The following KCNK10 variants were observed in gnomAD, a reference collection of about 807,000 sequenced individuals.
KCNK10 encodes potassium channel subfamily K member 10.
Under a neutral mutation model 47.7 loss-of-function variants are expected in KCNK10, and 25 were observed. The ratio of observed to expected loss-of-function variants is 0.52; its 90% CI spans 0.38 to 0.73. The LOEUF is 0.73. KCNK10 is among the 30% of genes least tolerant of loss of function. The probability of loss-of-function intolerance (pLI) is 0.00; values close to 1 mark genes in which losing one functional copy is unlikely to be tolerated. For missense variants in KCNK10, 563 were observed against 714.5 expected, an observed-to-expected ratio of 0.79 and a Z score of 2.42; for synonymous variants, 303 against 285.6, an observed-to-expected ratio of 1.06 and a Z score of -0.61.
rs11847504 is a variant in KCNK10 at position 88,291,750 on chromosome 14, G to A, written c.53-28199C>T. ...AGACGGCCCTGGGAAAATCAGACAT[G>A]GGTGCGCAGTGTTTGGCCTGTAATG... On this transcript the variant is annotated intron_variant, in intron 1 of 6. Transcript: ENST00000319231. 4.1e-3 allele frequency among the ~76,000 whole-genome samples: 621 copies of A among 152,298 alleles called. 7 individuals carry two copies. The highest frequency in any genetic ancestry group is 0.015 in the African/African-American group (604 of 41,556).
intron 4 of KCNK10, among the ~76,000 whole-genome samples, chr14:88,195,942 G>T (rs565927693): frequency 1.3e-5 from 2 of 152,178 alleles, no homozygotes; most frequent in East Asian, 3.9e-4. Flanking sequence ...AAGCAGAGCC[G>T]CTAGCAGAAA....
In KCNK10 at chr14:88,200,068, CTTCTTCCTTTCTTTCTTCCT is replaced by C. The variant is rs1422596261; in HGVS notation, c.682-7678_682-7659del. 6.2e-3 allele frequency among the ~76,000 whole-genome samples: 877 copies of C among 142,422 alleles called. 7 individuals are homozygous for C. Among genetic ancestry groups the C allele is most frequent in the African/African-American group, 0.021 (819 of 38,506 alleles). The allele number at this position is 142,422 out of a possible 152,430, so 93.4% of individuals were successfully genotyped here. ...TTCTTTCTTCTTCTTTTCTTTCTTT[CTTCTTCCTTTCTTTCTTCCT>C]TTCTTCCTTTTTTTCTCTTTCTTTC... is the stretch of plus-strand genomic sequence containing the variant. On this transcript the variant is annotated intron_variant, in intron 4 of 6. Transcript: ENST00000319231.
chr14:88,233,499 G>T (rs1429914744), intron 3 of KCNK10, among the ~76,000 whole-genome samples: 1 of 152,162 alleles, frequency 6.6e-6, no homozygotes, highest in Non-Finnish European at 1.5e-5. Context: ...GTTCACCTGA[G>T]GCCTGGGGAC....
At chr14:88,240,184 A>G (rs57391351) in intron 3 of KCNK10, among the ~76,000 whole-genome samples, 8,058 of 152,196 alleles carry the variant, frequency 0.053, 551 homozygotes, top group East Asian at 0.28. Context: ...CCACAATGGA[A>G]AGTCAAAAAA....
rs1887070795 is a variant in KCNK10 at position 88,260,149 on chromosome 14, G to T, written c.402+3053C>A. On this transcript the variant is annotated intron_variant, in intron 2 of 6. Coordinates refer to ENST00000319231, the MANE Select transcript of KCNK10 (RefSeq NM_138317.3). The surrounding 1 kb of genome is among the most constrained non-coding windows in gnomAD (Gnocchi z 4.5). ...GTAGAGATGGGGTTTCACCATGTTGGCCAGGTTGGTCTCGAACTCCTGATC... is the reference window on the plus strand; with the variant it reads ...GTAGAGATGGGGTTTCACCATGTTGTCCAGGTTGGTCTCGAACTCCTGATC... 6.6e-6 allele frequency among the ~76,000 whole-genome samples: 1 copy of T among 152,036 alleles called. No homozygotes were observed. Among genetic ancestry groups the T allele is most frequent in the Non-Finnish European group, 1.5e-5 (1 of 68,020 alleles).
At chr14:88,239,193 C>T (rs1021879730) in intron 3 of KCNK10, among the ~76,000 whole-genome samples, 6 of 146,794 alleles carry the variant, frequency 4.1e-5, no homozygotes, top group African/African-American at 1.5e-4. Context: ...TTGCCATACA[C>T]CTTAAATTTG....
intron 4 of KCNK10, among the ~76,000 whole-genome samples, chr14:88,207,968 A>C (rs1336605241): frequency 6.6e-6 from 1 of 152,240 alleles, no homozygotes; most frequent in Non-Finnish European, 1.5e-5. Context: ...TATCACACGC[A>C]AAAGTCTGGA....
Position 88,297,594 on chromosome 14 carries a change from T to G in KCNK10, c.52+25153A>C, listed in dbSNP as rs186342527. Among the ~76,000 whole-genome samples, 324 of 152,326 alleles carry G rather than the reference T, an allele frequency of 2.1e-3. 2 individuals carry two copies. Among genetic ancestry groups the G allele is most frequent in the African/African-American group, 7.3e-3 (302 of 41,568 alleles). On this transcript the variant is annotated intron_variant, in intron 1 of 6. Coordinates refer to ENST00000319231, the MANE Select transcript of KCNK10 (RefSeq NM_138317.3). ...CCTTTCATTTGTACCCTAAATTGTC[T>G]GTCGACTTCCAGCTGTTTCCTGGCA...
intron 3 of KCNK10, among the ~76,000 whole-genome samples, chr14:88,232,919 C>T (rs1043562658): frequency 1.2e-4 from 18 of 152,208 alleles, no homozygotes; most frequent in African/African-American, 4.1e-4. Context: ...AGGATGTGTG[C>T]ACATGAACAA....
At chr14:88,320,820 G>A (rs182826255) in intron 1 of KCNK10, among the ~76,000 whole-genome samples, 13 of 152,154 alleles carry the variant, frequency 8.5e-5, no homozygotes, top group Admixed American at 2.0e-4. Flanking sequence ...GTCACTCCTC[G>A]TCTTGAAACT....
chr14:88,195,284 GT>G (rs1330814843), intron 4 of KCNK10, among the ~76,000 whole-genome samples: 2 of 152,158 alleles, frequency 1.3e-5, no homozygotes, highest in Non-Finnish European at 2.9e-5. Flanking sequence ...CTGTGCATTA[GT>G]TTTTTTCCTC....
intron 2 of KCNK10, among the ~76,000 whole-genome samples, chr14:88,255,851 C>T (rs374155362): frequency 1.1e-4 from 17 of 151,912 alleles, no homozygotes; most frequent in African/African-American, 2.4e-4. Flanking sequence ...GAGAGCAAGA[C>T]CCTGTTTTAA....
chr14:88,185,645 T>A lies in KCNK10; in HGVS notation c.1522A>T (p.Met508Leu). Residue 508 changes from methionine (M) to leucine (L), a missense_variant, in exon 7 of 7, where the codon ATG becomes TTG. By Grantham distance (15) the Met-to-Leu change is conservative. Transcript: ENST00000319231. The surrounding 1 kb of genome is among the most constrained non-coding windows in gnomAD (Gnocchi z 4.3). ...MCNSDNSSTA[M>L]LTDCIQQHAE... ...TGCTGCTGGATACAGTCCGTCAGCA[T>A]GGCTGTGCTGGAGTTGTCTGAGTTA... The A allele has an allele frequency of 6.2e-7, 1 of 1,614,222 alleles. No homozygotes were observed. Among genetic ancestry groups the A allele is most frequent in the South Asian group, 1.1e-5 (1 of 91,086 alleles).
At chr14:88,229,506 T>C (rs1442937674) in intron 3 of KCNK10, among the ~76,000 whole-genome samples, 1 of 152,130 alleles carries the variant, frequency 6.6e-6, no homozygotes, top group Admixed American at 6.5e-5. Flanking sequence ...TCACAATTGG[T>C]TCCTTATTTG....
At chr14:88,315,121 G>A (rs1888404478) in intron 1 of KCNK10, among the ~76,000 whole-genome samples, 1 of 152,150 alleles carries the variant, frequency 6.6e-6, no homozygotes, top group Admixed American at 6.5e-5. Flanking sequence ...CTGGAGTCTA[G>A]GTTAAATGAC....
chr14:88,286,608 A>G (rs778514836), intron 1 of KCNK10, among the ~76,000 whole-genome samples: 5 of 152,220 alleles, frequency 3.3e-5, no homozygotes, highest in Non-Finnish European at 5.9e-5. Context: ...ATAAAGAAAA[A>G]GAGGCTTAAT....
rs150467519 is a variant in KCNK10 at position 88,270,974 on chromosome 14, G to A, written c.53-7423C>T. 6.9e-4 allele frequency: 437 copies of A among 630,756 alleles called. No individual in the cohort carries two copies. In the East Asian group the frequency reaches 7.7e-3, roughly 11 times the overall value. The allele number at this position is 630,756 out of a possible 1,614,324, so 39.1% of individuals were successfully genotyped here. On this transcript the variant is annotated intron_variant, in intron 1 of 6. Transcript: ENST00000319231. The stretch of plus-strand genomic sequence containing the variant: ...TCTCACAGGCCTCACCCACTGCCAC[G>A]CCCCCACAAGCAACCTTTGCCCCAG...
At chr14:88,315,271 A>G (rs1227375667) in intron 1 of KCNK10, among the ~76,000 whole-genome samples, 4 of 152,228 alleles carry the variant, frequency 2.6e-5, no homozygotes, top group Non-Finnish European at 5.9e-5. Flanking sequence ...ATTCTTAGCC[A>G]GTAGAATCCA....
intron 1 of KCNK10, among the ~76,000 whole-genome samples, chr14:88,299,605 C>A (rs952561065): frequency 6.6e-6 from 1 of 152,144 alleles, no homozygotes; most frequent in East Asian, 1.9e-4. Flanking sequence ...CATTAGGTAA[C>A]ACACATATGC....
Sources: allele counts gnomAD v4.1 joint callset (sites outside exome capture counted in the v4.1 genomes callset), GRCh38; gene constraint gnomAD v4.1.1; non-coding constraint Gnocchi (gnomAD v3.1); transcripts MANE v1.5; gene names NCBI Gene and HGNC (gene_info 2026-07-23, HGNC 2026-07-21).